HRH1: variants seen among roughly 807,000 people sequenced by gnomAD.
The protein encoded by HRH1 is histamine H1 receptor.
In HRH1, 6 loss-of-function variants were observed where a neutral mutation model predicts 10.3. The observed-to-expected ratio is 0.58, with a 90% CI of 0.32 to 1.15. The LOEUF (loss-of-function observed/expected upper bound fraction) is 1.15, where lower values mean the gene tolerates loss of function less well. Among genes scored for constraint, HRH1 ranks in the 50% most tolerant of loss-of-function variants. The probability of loss-of-function intolerance (pLI) is 0.05; values close to 1 mark genes in which losing one functional copy is unlikely to be tolerated. For missense variants in HRH1, 514 were observed against 615.3 expected (o/e 0.84, Z 1.74); for synonymous variants, 242 against 236.7 (o/e 1.02, Z -0.21).
chr3:11,228,721 G>A lies in HRH1; in HGVS notation c.-35-30282G>A, dbSNP rs184954434. Among the ~76,000 whole-genome samples, 21 of 152,012 alleles carry A rather than the reference G, an allele frequency of 1.4e-4. 1 individual carries two copies. In the East Asian group the frequency reaches 3.7e-3, roughly 27 times the overall value. On this transcript the variant is annotated intron_variant, in intron 1 of 1. Coordinates refer to ENST00000431010, the MANE Select transcript of HRH1 (RefSeq NM_001098212.2). ...CACCTGAGGAGTTTGAGACCAGCCC[G>A]GCCAACATGGCAAAACCCCATCTCT...
At chr3:11,171,274 A>T (rs1319487716) in intron 1 of HRH1, among the ~76,000 whole-genome samples, 2 of 151,566 alleles carry the variant, frequency 1.3e-5, no homozygotes, top group Non-Finnish European at 2.9e-5. Flanking sequence ...GCACCACCAC[A>T]CCCGGCTAAT....
intron 1 of HRH1, among the ~76,000 whole-genome samples, chr3:11,238,147 G>A (rs958615879): frequency 2.0e-5 from 3 of 152,138 alleles, no homozygotes; most frequent in African/African-American, 7.2e-5. Context: ...ACCAGGGCTG[G>A]GGGTTGTGGG....
At chr3:11,168,179 AG>A (rs1490551162) in intron 1 of HRH1, among the ~76,000 whole-genome samples, 1 of 152,174 alleles carries the variant, frequency 6.6e-6, no homozygotes, top group African/African-American at 2.4e-5. Flanking sequence ...CCTGGCTAGA[AG>A]GGGTTTGGAA....
At chr3:11,195,545 G>A (rs1435455734) in intron 1 of HRH1, among the ~76,000 whole-genome samples, 3 of 152,210 alleles carry the variant, frequency 2.0e-5, no homozygotes, top group Admixed American at 6.5e-5. Context: ...GAGGGTCTAC[G>A]TGTATTCAGC....
intron 1 of HRH1, among the ~76,000 whole-genome samples, chr3:11,220,736 C>T (rs1938684821): frequency 1.3e-5 from 2 of 152,328 alleles, no homozygotes; most frequent in African/African-American, 4.8e-5. Flanking sequence ...ATTATAGCAA[C>T]CCCAGGGAAG....
chr3:11,205,603 C>T (rs866740132), intron 1 of HRH1, among the ~76,000 whole-genome samples: 1 of 152,070 alleles, frequency 6.6e-6, no homozygotes, highest in African/African-American at 2.4e-5. Context: ...ATGAGCTCTC[C>T]CAGCACCCCA....
rs1237792855 is a variant in HRH1, at chr3:11,154,797, G to T, written c.-36+243G>T. 2.0e-5 allele frequency among the ~76,000 whole-genome samples: 3 copies of T among 152,092 alleles called. No homozygotes were observed. Among genetic ancestry groups the T allele is most frequent in the Non-Finnish European group, 4.4e-5 (3 of 68,004 alleles). On this transcript the variant is annotated intron_variant, in intron 1 of 1. Transcript: ENST00000431010. The surrounding 1 kb of genome is among the most constrained non-coding windows in gnomAD (Gnocchi z 4.4). Reference sequence around the variant, plus strand: ...ACACTGTGGCCTCAGCACTCGACGCGCAGACACCTTTAGCTTCCCCGGGCT... The same window carrying T: ...ACACTGTGGCCTCAGCACTCGACGCTCAGACACCTTTAGCTTCCCCGGGCT...
chr3:11,251,284 T>C (rs1282678468), intron 1 of HRH1, among the ~76,000 whole-genome samples: 4 of 152,204 alleles, frequency 2.6e-5, no homozygotes, highest in African/African-American at 9.6e-5. Flanking sequence ...CGGCTGTAAG[T>C]TCTCTAGTAC....
At chr3:11,243,126 C>T (rs1939393891) in intron 1 of HRH1, among the ~76,000 whole-genome samples, 1 of 152,174 alleles carries the variant, frequency 6.6e-6, no homozygotes, top group African/African-American at 2.4e-5. Context: ...GCTGGCCAGG[C>T]TGGTCTCAAA....
At chr3:11,231,174 C>T (rs1255386779) in intron 1 of HRH1, among the ~76,000 whole-genome samples, 1 of 152,202 alleles carries the variant, frequency 6.6e-6, no homozygotes, top group African/African-American at 2.4e-5. Context: ...GGGAATAGGA[C>T]TGGTGCATTT....
chr3:11,162,070 C>A (rs762516400), intron 1 of HRH1, among the ~76,000 whole-genome samples: 10 of 152,198 alleles, frequency 6.6e-5, no homozygotes, highest in Non-Finnish European at 1.5e-4. Context: ...CAGGTACAGG[C>A]AGTGCTGGGC....
chr3:11,190,797 C>A (rs1391812937), intron 1 of HRH1, among the ~76,000 whole-genome samples: 2 of 152,238 alleles, frequency 1.3e-5, no homozygotes, highest in East Asian at 3.9e-4. Context: ...CTGCAGTGAA[C>A]CCTGCTCACG....
chr3:11,189,173 C>G (rs887132692), intron 1 of HRH1, among the ~76,000 whole-genome samples: 3 of 152,042 alleles, frequency 2.0e-5, no homozygotes, highest in Non-Finnish European at 2.9e-5. Context: ...TCACGTGTCT[C>G]CTGTGTAGAT....
Position 11,259,980 on chromosome 3 carries a change from GA to G in HRH1, c.944del (p.Glu315GlyfsTer8). ...TATTGTGCACATGCAGGCTGCGGCA[GA>G]GGGGAGTAGCAGGGACTATGTAGCC... ...LDIVHMQAAA[E>X]GSSRDYVAVN... On this transcript the variant is annotated frameshift_variant, in exon 2 of 2. Coordinates refer to ENST00000431010, the MANE Select transcript of HRH1 (RefSeq NM_001098212.2). LOFTEE classifies it low-confidence loss of function (END_TRUNC). The surrounding 1 kb of genome is among the most constrained non-coding windows in gnomAD (Gnocchi z 4.6). 1 of 1,614,214 alleles carries G rather than the reference GA, an allele frequency of 6.2e-7. No individual in the cohort carries two copies. The highest frequency in any genetic ancestry group is 8.5e-7 in the Non-Finnish European group (1 of 1,180,026).
intron 1 of HRH1, among the ~76,000 whole-genome samples, chr3:11,249,989 C>T (rs1939599131): frequency 1.4e-5 from 2 of 148,096 alleles, no homozygotes; most frequent in South Asian, 4.3e-4. Context: ...TGTGGGGTAG[C>T]TGGGGTAAAG....
chr3:11,189,265 C>T (rs1937503035), intron 1 of HRH1, among the ~76,000 whole-genome samples: 1 of 152,250 alleles, frequency 6.6e-6, no homozygotes, highest in African/African-American at 2.4e-5. Context: ...TGTCATAGAC[C>T]AGCTGAGTGG....
intron 1 of HRH1, among the ~76,000 whole-genome samples, chr3:11,229,804 G>A (rs370773132): frequency 6.6e-6 from 1 of 152,078 alleles, no homozygotes; most frequent in Non-Finnish European, 1.5e-5. Flanking sequence ...TTTTTCATAC[G>A]TGGTAGTGAA....
At chr3:11,168,730 G>A (rs545085357) in intron 1 of HRH1, among the ~76,000 whole-genome samples, 7 of 152,330 alleles carry the variant, frequency 4.6e-5, no homozygotes, top group East Asian at 1.9e-4. Context: ...CTGCTGTGAG[G>A]AACCCCAGGG....
At chr3:11,234,345 C>T (rs1939117832) in intron 1 of HRH1, 5 of 1,592,118 alleles carry the variant, frequency 3.1e-6, no homozygotes, top group South Asian at 1.1e-5. Flanking sequence ...CTTTCCTCTT[C>T]CTCATCCTCA....
Sources: allele counts gnomAD v4.1 joint callset (sites outside exome capture counted in the v4.1 genomes callset), GRCh38; gene constraint gnomAD v4.1.1; non-coding constraint Gnocchi (gnomAD v3.1); transcripts MANE v1.5; gene names NCBI Gene and HGNC (gene_info 2026-07-23, HGNC 2026-07-21).